The following PCDH9 variants were observed in gnomAD, a reference collection of about 807,000 sequenced individuals.
PCDH9 encodes protocadherin-9.
In PCDH9, 24 loss-of-function variants were observed where a neutral mutation model predicts 70.6. That is an observed-to-expected ratio of 0.34 (90% CI 0.25 to 0.48). The LOEUF is 0.48. Among genes scored for constraint, PCDH9 ranks in the 20% least tolerant of loss-of-function variants. The pLI is 0.99. For synonymous variants in PCDH9, 562 were observed against 558.5 expected (o/e 1.01, Z -0.09); for missense variants, 1,281 against 1,503.6 (o/e 0.85, Z 2.45).
intron 4 of PCDH9, among the ~76,000 whole-genome samples, chr13:66,512,784 C>A (rs976189033): frequency 5.3e-5 from 8 of 151,462 alleles, no homozygotes; most frequent in Non-Finnish European, 1.0e-4. Context: ...TGGACTCATT[C>A]TTTCATTCTT....
intron 4 of PCDH9, among the ~76,000 whole-genome samples, chr13:66,525,674 TG>T (rs1280751151): frequency 6.6e-6 from 1 of 152,150 alleles, no homozygotes; most frequent in Non-Finnish European, 1.5e-5. Context: ...TCTCCAACTT[TG>T]TATGTCTCAT....
intron 3 of PCDH9, among the ~76,000 whole-genome samples, chr13:66,900,394 G>A (rs1384570359): frequency 6.6e-6 from 1 of 151,606 alleles, no homozygotes; most frequent in Non-Finnish European, 1.5e-5. Context: ...ATTAAAACAG[G>A]ACAAATATTA....
chr13:66,553,438 C>T (rs760392568), intron 4 of PCDH9, among the ~76,000 whole-genome samples: 26 of 152,074 alleles, frequency 1.7e-4, no homozygotes, highest in Non-Finnish European at 3.7e-4. Context: ...CACATATATA[C>T]CATATGTACT....
At chr13:67,009,544 A>G (rs896643415) in intron 2 of PCDH9, among the ~76,000 whole-genome samples, 3 of 152,030 alleles carry the variant, frequency 2.0e-5, no homozygotes, top group Non-Finnish European at 4.4e-5. Flanking sequence ...AGGATTTTTA[A>G]TTGATCTCCA....
rs145241706 is a variant in PCDH9, at chr13:66,989,183, T to C, written c.3037-85578A>G. ...TATTATATATGTTACAAATCATGAA[T>C]TCATTGTGATTTCAATTAATATAAT... On this transcript the variant is annotated intron_variant, in intron 2 of 4. Coordinates refer to ENST00000377865, the MANE Select transcript of PCDH9 (RefSeq NM_203487.3). 8.3e-3 allele frequency among the ~76,000 whole-genome samples: 1,259 copies of C among 152,056 alleles called. 13 individuals carry two copies. Among genetic ancestry groups the C allele is most frequent in the African/African-American group, 0.028 (1,166 of 41,526 alleles).
chr13:66,430,483 G>A (rs1484057543), intron 4 of PCDH9, among the ~76,000 whole-genome samples: 1 of 152,022 alleles, frequency 6.6e-6, no homozygotes, highest in Non-Finnish European at 1.5e-5. Context: ...TTTTAAAGAT[G>A]TTGCTAAATC....
chr13:66,892,767 T>C (rs2139570820), intron 3 of PCDH9, among the ~76,000 whole-genome samples: 1 of 152,204 alleles, frequency 6.6e-6, no homozygotes, highest in African/African-American at 2.4e-5. Context: ...TGGGCATATA[T>C]TATTGAAGAT....
At chr13:66,686,058 G>A (rs1297332396) in intron 3 of PCDH9, among the ~76,000 whole-genome samples, 1 of 152,154 alleles carries the variant, frequency 6.6e-6, no homozygotes, top group Non-Finnish European at 1.5e-5. Context: ...AGGCATGATT[G>A]TGTTTTGAAA....
intron 4 of PCDH9, among the ~76,000 whole-genome samples, chr13:66,326,354 C>A (rs1955843688): frequency 6.7e-6 from 1 of 149,900 alleles, no homozygotes; most frequent in South Asian, 2.1e-4. Flanking sequence ...CACATTGACA[C>A]CAGAACAATT....
chr13:67,049,007 C>T (rs1034604632), intron 2 of PCDH9, among the ~76,000 whole-genome samples: 63 of 152,272 alleles, frequency 4.1e-4, no homozygotes, highest in African/African-American at 1.5e-3. Flanking sequence ...CTGAGTCACC[C>T]TTGAAAGGCA....
intron 4 of PCDH9, among the ~76,000 whole-genome samples, chr13:66,407,593 ACACTT>A (rs994949661): frequency 2.0e-5 from 3 of 152,260 alleles, no homozygotes; most frequent in African/African-American, 7.2e-5. Flanking sequence ...CACATCTTAA[ACACTT>A]CACTTCACTG....
At position 66,966,956 on chromosome 13, in the gene PCDH9, G is replaced by A. The variant is rs190043562; in HGVS notation, c.3037-63351C>T. ...CAAATGGGTAAACTAAAAGCAGACC[G>A]TAGTCTGACTCCCAAATATATGAAT... On this transcript the variant is annotated intron_variant, in intron 2 of 4. Transcript: ENST00000377865. Among the ~76,000 whole-genome samples the A allele has an allele frequency of 2.6e-3, 396 of 152,204 alleles. 6 individuals are homozygous for A. The highest frequency in any genetic ancestry group is 0.024 in the Admixed American group (361 of 15,264).
intron 3 of PCDH9, among the ~76,000 whole-genome samples, chr13:66,808,924 T>G (rs1053575280): frequency 2.0e-5 from 3 of 152,184 alleles, no homozygotes; most frequent in Non-Finnish European, 4.4e-5. Context: ...CTAAAGGTAT[T>G]CTTGTGATTT....
intron 4 of PCDH9, among the ~76,000 whole-genome samples, chr13:66,311,918 A>G (rs1246568296): frequency 6.6e-6 from 1 of 152,190 alleles, no homozygotes; most frequent in South Asian, 2.1e-4. Context: ...CCAAAGGTAA[A>G]TATGACAGAT....
chr13:66,772,215 G>C (rs1053411312), intron 3 of PCDH9, among the ~76,000 whole-genome samples: 6 of 152,152 alleles, frequency 3.9e-5, no homozygotes, highest in African/African-American at 1.4e-4. Flanking sequence ...AATCTGATCA[G>C]ATTTGCTCTA....
At chr13:67,081,251 A>T (rs2085977186) in intron 2 of PCDH9, among the ~76,000 whole-genome samples, 1 of 152,110 alleles carries the variant, frequency 6.6e-6, no homozygotes, top group Non-Finnish European at 1.5e-5. Flanking sequence ...CATTGCAGTT[A>T]TTTTGGCTTG....
At chr13:66,600,187 A>G (rs1406925050) in intron 4 of PCDH9, among the ~76,000 whole-genome samples, 1 of 151,914 alleles carries the variant, frequency 6.6e-6, no homozygotes, top group East Asian at 1.9e-4. Context: ...ACAGACCAAG[A>G]ACTAACTATT....
intron 4 of PCDH9, among the ~76,000 whole-genome samples, chr13:66,534,217 A>G (rs1330851589): frequency 2.7e-5 from 4 of 148,660 alleles, no homozygotes; most frequent in Non-Finnish European, 6.0e-5. Context: ...GAGTCAGAAG[A>G]ATGTGAAAAC....
chr13:66,321,755 T>C (rs1209703566), intron 4 of PCDH9, among the ~76,000 whole-genome samples: 2 of 152,024 alleles, frequency 1.3e-5, no homozygotes, highest in African/African-American at 4.8e-5. Context: ...CTGTGTTTTC[T>C]AATCCCCTAT....
Sources: gnomAD v4.1 joint callset for allele counts (sites outside exome capture counted in the v4.1 genomes callset) on GRCh38, gnomAD v4.1.1 for gene constraint, MANE v1.5 for transcripts, NCBI Gene and HGNC (gene_info 2026-07-23, HGNC 2026-07-21) for gene names.